The following CDK6 variants were observed in gnomAD, a reference collection of about 807,000 sequenced individuals.
CDK6 encodes the protein cyclin dependent kinase 6.
Under a neutral mutation model 37.1 loss-of-function variants are expected in CDK6, and 6 were observed. The observed-to-expected ratio is 0.16, with a 90% CI of 0.09 to 0.32. The LOEUF is 0.32. Ranked by LOEUF, CDK6 falls within the 10% of genes least tolerant of loss-of-function variation. CDK6 has a pLI of 1.00. For synonymous variants in CDK6, 160 were observed against 161.3 expected, an observed-to-expected ratio of 0.99 and a Z score of 0.06; for missense variants, 224 against 418.9, an observed-to-expected ratio of 0.53 and a Z score of 4.06.
Position 92,616,479 on chromosome 7 carries a change from C to A in CDK6, c.835-1193G>T, listed in dbSNP as rs1384218345. 2.0e-5 allele frequency among the ~76,000 whole-genome samples: 3 copies of A among 152,168 alleles called. No individual in the cohort carries two copies. In the East Asian group the frequency reaches 5.8e-4, roughly 29 times the overall value. ...CCTCCCTATAGGATCTTCTGAACAT[C>A]AAGAGCTAAAGGGCAAGTGGAAGAA... On this transcript the variant is annotated intron_variant, in intron 7 of 7. Coordinates refer to ENST00000424848, the MANE Select transcript of CDK6 (RefSeq NM_001145306.2).
intron 2 of CDK6, among the ~76,000 whole-genome samples, chr7:92,790,906 T>C (rs1038833815): frequency 3.9e-5 from 6 of 152,094 alleles, no homozygotes; most frequent in Admixed American, 6.6e-5. Flanking sequence ...AGAAGCCCCA[T>C]TGGAGAGAAA....
Position 92,616,002 on chromosome 7 carries a change from T to G in CDK6, c.835-716A>C, listed in dbSNP as rs539901538. Among the ~76,000 whole-genome samples the G allele has an allele frequency of 2.0e-5, 3 of 152,246 alleles. No individual in the cohort carries two copies. The East Asian group carries it at 5.8e-4, about 29-fold the overall frequency. On this transcript the variant is annotated intron_variant, in intron 7 of 7. Transcript: ENST00000424848. ...CCCCTACCTCAGGTAATCTTGTTAC[T>G]CAAATCCTCCTCCTCTCCTTCCATC... is the stretch of plus-strand genomic sequence containing the variant.
intron 3 of CDK6, among the ~76,000 whole-genome samples, chr7:92,751,818 AAT>A (rs1278247736): frequency 5.9e-5 from 9 of 152,154 alleles, no homozygotes; most frequent in African/African-American, 2.2e-4. Flanking sequence ...AATACAATTA[AAT>A]ATATGTCTTC....
intron 2 of CDK6, among the ~76,000 whole-genome samples, chr7:92,789,749 T>C (rs983711209): frequency 3.9e-5 from 6 of 152,212 alleles, no homozygotes; most frequent in East Asian, 1.9e-4. Context: ...TGGAAACTTA[T>C]TGAATCCTTT....
chr7:92,718,971 A>C (rs138431799), intron 4 of CDK6, among the ~76,000 whole-genome samples: 2 of 152,208 alleles, frequency 1.3e-5, no homozygotes, highest in South Asian at 2.1e-4. Flanking sequence ...TTATTTGTTG[A>C]CTGAAAGCCA....
intron 3 of CDK6, among the ~76,000 whole-genome samples, chr7:92,738,485 C>G (rs1485149245): frequency 6.6e-6 from 1 of 151,774 alleles, no homozygotes; most frequent in African/African-American, 2.4e-5. Flanking sequence ...ACTAAAAACA[C>G]AAAATTAGCT....
chr7:92,748,149 T>C (rs576107766), intron 3 of CDK6, among the ~76,000 whole-genome samples: 2 of 152,348 alleles, frequency 1.3e-5, no homozygotes, highest in East Asian at 3.9e-4. Flanking sequence ...CTCAGAACTT[T>C]TACAGATAAC....
rs577698227 is a variant in CDK6, at chr7:92,610,154, G to C, written c.*4986C>G. Reference sequence around the variant, plus strand: ...TCTCTTAGGACAGTGTGAATGTTTAGAAAGACTTTTGCAAGAAAAGTCACC... The same window carrying C: ...TCTCTTAGGACAGTGTGAATGTTTACAAAGACTTTTGCAAGAAAAGTCACC... On this transcript the variant is annotated 3_prime_UTR_variant, in exon 8 of 8. Coordinates refer to ENST00000424848, the MANE Select transcript of CDK6 (RefSeq NM_001145306.2). 20 of 231,660 alleles carry C rather than the reference G, an allele frequency of 8.6e-5. No homozygotes were observed. The South Asian group carries it at 3.1e-3, about 36-fold the overall frequency. The allele number at this position is 231,660 out of a possible 1,614,324, so 14.4% of individuals were successfully genotyped here.
chr7:92,834,968 C>G lies in CDK6; in HGVS notation c.-367-1278G>C, dbSNP rs1244057543. ...CCCTCCTCCAGGGCCGCCGCGGCCT[C>G]GGCAGGACTTTCACCACGACGGCCG... is the stretch of plus-strand genomic sequence containing the variant. On this transcript the variant is annotated intron_variant, in intron 1 of 7. Transcript: ENST00000424848. The surrounding 1 kb of genome is among the most constrained non-coding windows in gnomAD (Gnocchi z 4.6). 6.6e-6 allele frequency: 1 copy of G among 152,284 alleles called. No homozygotes were observed. The highest frequency in any genetic ancestry group is 1.5e-5 in the Non-Finnish European group (1 of 68,100). 9.4% of individuals were successfully genotyped at this position (152,284 alleles called of 1,614,324 possible). A position where few individuals can be genotyped will look rare whatever the true frequency, so the allele number is the denominator to read the frequency against.
chr7:92,790,171 C>A (rs1302731481), intron 2 of CDK6, among the ~76,000 whole-genome samples: 1 of 152,208 alleles, frequency 6.6e-6, no homozygotes, highest in Non-Finnish European at 1.5e-5. Context: ...GAACACAGTT[C>A]ATTCCCCTTG....
chr7:92,634,793 A>G lies in CDK6; in HGVS notation c.648-11707T>C, dbSNP rs190127614. On this transcript the variant is annotated intron_variant, in intron 5 of 7. Coordinates refer to ENST00000424848, the MANE Select transcript of CDK6 (RefSeq NM_001145306.2). ...TACATTTTTGATTTTTATACTGGGA[A>G]TGAGATGGAGCTGCTGCTAACTCTG... is the stretch of plus-strand genomic sequence containing the variant. Among the ~76,000 whole-genome samples, 231 of 152,272 alleles carry G rather than the reference A, an allele frequency of 1.5e-3. 1 individual carries two copies. Among genetic ancestry groups the G allele is most frequent in the African/African-American group, 5.2e-3 (214 of 41,548 alleles).
Position 92,608,546 on chromosome 7 carries a change from T to TA in CDK6, c.*6593dup, listed in dbSNP as rs1795484484. The TA allele has an allele frequency of 4.3e-6, 1 of 231,918 alleles. No individual in the cohort carries two copies. The allele number at this position is 231,918 out of a possible 1,614,324, so 14.4% of individuals were successfully genotyped here. ...TTCCTGCAATTATACATCTTTTCTT[T>TA]AAAAAAACAAAAACAAAAACAAAAA... is the stretch of plus-strand genomic sequence containing the variant. On this transcript the variant is annotated 3_prime_UTR_variant, in exon 8 of 8. Coordinates refer to ENST00000424848, the MANE Select transcript of CDK6 (RefSeq NM_001145306.2).
intron 5 of CDK6, among the ~76,000 whole-genome samples, chr7:92,634,953 T>C (rs1298248657): frequency 6.6e-6 from 1 of 152,174 alleles, no homozygotes; most frequent in Non-Finnish European, 1.5e-5. Flanking sequence ...TAGAGTCTGT[T>C]TTATATTCAT....
chr7:92,764,894 T>C (rs1799542795), intron 3 of CDK6, among the ~76,000 whole-genome samples: 1 of 152,236 alleles, frequency 6.6e-6, no homozygotes, highest in East Asian at 1.9e-4. Context: ...TGCCTTTCAC[T>C]GATTTAAAAT....
chr7:92,637,723 T>A (rs1796205108), intron 5 of CDK6, among the ~76,000 whole-genome samples: 1 of 152,182 alleles, frequency 6.6e-6, no homozygotes, highest in South Asian at 2.1e-4. Context: ...AAACTGAGAC[T>A]TAGGTTAAGT....
chr7:92,688,127 C>T (rs1268398465), intron 4 of CDK6, among the ~76,000 whole-genome samples: 1 of 152,120 alleles, frequency 6.6e-6, no homozygotes, highest in Non-Finnish European at 1.5e-5. Context: ...GCATGCATTT[C>T]TCTTGGGTAT....
chr7:92,610,874 A>G lies in CDK6; in HGVS notation c.*4266T>C, dbSNP rs928885212. 1 of 228,414 alleles carries G rather than the reference A, an allele frequency of 4.4e-6. No individual in the cohort carries two copies. The highest frequency in any genetic ancestry group is 5.7e-5 in the Admixed American group (1 of 17,648). 14.1% of individuals were successfully genotyped at this position (228,414 alleles called of 1,614,324 possible). On this transcript the variant is annotated 3_prime_UTR_variant, in exon 8 of 8. Coordinates refer to ENST00000424848, the MANE Select transcript of CDK6 (RefSeq NM_001145306.2). Reference sequence around the variant, plus strand: ...GGAAACACATGCCTTTTAAAAATTTATTTTTTCAATGAACGTTCTTAGGCA... The same window carrying G: ...GGAAACACATGCCTTTTAAAAATTTGTTTTTTCAATGAACGTTCTTAGGCA...
At chr7:92,726,946 C>G (rs1167676883) in intron 3 of CDK6, among the ~76,000 whole-genome samples, 1 of 152,176 alleles carries the variant, frequency 6.6e-6, no homozygotes, top group Admixed American at 6.5e-5. Context: ...AGTTAATATT[C>G]AGTAAATGGC....
intron 2 of CDK6, among the ~76,000 whole-genome samples, chr7:92,828,186 C>T (rs1458129392): frequency 6.6e-6 from 1 of 151,974 alleles, no homozygotes; most frequent in African/African-American, 2.4e-5. Flanking sequence ...AGCACAACTT[C>T]CTTAAAAGAA....
Sources: gnomAD v4.1 joint callset for allele counts (sites outside exome capture counted in the v4.1 genomes callset) on GRCh38, gnomAD v4.1.1 for gene constraint, Gnocchi (gnomAD v3.1) non-coding constraint, MANE v1.5 for transcripts, NCBI Gene and HGNC (gene_info 2026-07-23, HGNC 2026-07-21) for gene names.